MAGI1: variants seen among roughly 807,000 people sequenced by gnomAD.
MAGI1 encodes the protein membrane associated guanylate kinase, WW and PDZ domain containing 1, also known as membrane-associated guanylate kinase, WW and PDZ domain-containing protein 1.
A neutral mutation model predicts 139.9 loss-of-function variants in MAGI1; 58 were observed. That is an observed-to-expected ratio of 0.41 (90% CI 0.34 to 0.52). The LOEUF (loss-of-function observed/expected upper bound fraction) is 0.52, where lower values mean the gene tolerates loss of function less well. MAGI1 is among the 20% of genes least tolerant of loss of function. MAGI1 has a pLI of 0.12. For missense variants in MAGI1, 1,874 were observed against 1,901.6 expected (o/e 0.99, Z 0.27); for synonymous variants, 812 against 737.9 (o/e 1.10, Z -1.63).
chr3:65,963,724 T>C (rs1045900567), intron 1 of MAGI1, among the ~76,000 whole-genome samples: 10 of 152,194 alleles, frequency 6.6e-5, no homozygotes, highest in Non-Finnish European at 1.2e-4. Flanking sequence ...TGCGAACTAC[T>C]TTAACATGCA....
chr3:65,418,135 G>C (rs1414429318), intron 12 of MAGI1, among the ~76,000 whole-genome samples: 1 of 152,156 alleles, frequency 6.6e-6, no homozygotes, highest in Non-Finnish European at 1.5e-5. Context: ...ACAAACTGTG[G>C]AGGCTGGGGC....
chr3:66,028,203 G>A (rs1184303873), intron 1 of MAGI1, among the ~76,000 whole-genome samples: 1 of 152,116 alleles, frequency 6.6e-6, no homozygotes, highest in Non-Finnish European at 1.5e-5. Flanking sequence ...TCAGGAGGCT[G>A]AGGTAGGAGG....
intron 17 of MAGI1, among the ~76,000 whole-genome samples, chr3:65,378,683 C>CTT (rs10557893): frequency 2.1e-5 from 3 of 140,652 alleles, no homozygotes; most frequent in Non-Finnish European, 3.1e-5. Flanking sequence ...CTTTCCTTTT[C>CTT]TTTTTTTTTT....
At chr3:65,459,518 T>G (rs972528158) in intron 5 of MAGI1, among the ~76,000 whole-genome samples, 2 of 152,222 alleles carry the variant, frequency 1.3e-5, no homozygotes, top group African/African-American at 2.4e-5. Flanking sequence ...CTTTGTACGT[T>G]TCTCATGATT....
intron 10 of MAGI1, among the ~76,000 whole-genome samples, chr3:65,433,578 G>A (rs982321577): frequency 1.3e-5 from 2 of 152,078 alleles, no homozygotes; most frequent in Non-Finnish European, 2.9e-5. Flanking sequence ...GCAGCCCTGT[G>A]GTACATGTAA....
At chr3:65,978,005 T>C (rs1168648016) in intron 1 of MAGI1, among the ~76,000 whole-genome samples, 1 of 152,194 alleles carries the variant, frequency 6.6e-6, no homozygotes, top group Non-Finnish European at 1.5e-5. Context: ...ACCTATTGCA[T>C]TACCCATTAT....
intron 1 of MAGI1, among the ~76,000 whole-genome samples, chr3:65,644,899 A>C (rs2085173688): frequency 6.6e-6 from 1 of 151,804 alleles, no homozygotes; most frequent in African/African-American, 2.4e-5. Flanking sequence ...TGGGAGGCTG[A>C]GGTAGGAGAA....
intron 1 of MAGI1, among the ~76,000 whole-genome samples, chr3:65,749,805 G>A (rs1336190771): frequency 1.3e-5 from 2 of 151,734 alleles, no homozygotes; most frequent in African/African-American, 2.4e-5. Context: ...TGAATCAAAT[G>A]CTGACCAAGC....
chr3:65,704,940 G>A (rs2029907076), intron 1 of MAGI1, among the ~76,000 whole-genome samples: 1 of 151,844 alleles, frequency 6.6e-6, no homozygotes, highest in Non-Finnish European at 1.5e-5. Context: ...TTCTACTACT[G>A]CACAGACTCC....
At chr3:65,935,026 G>A (rs2062980150) in intron 1 of MAGI1, among the ~76,000 whole-genome samples, 1 of 152,154 alleles carries the variant, frequency 6.6e-6, no homozygotes, top group African/African-American at 2.4e-5. Context: ...AATGATTAGT[G>A]CTATTATGAC....
chr3:65,389,371 C>T (rs1385376083), intron 14 of MAGI1, among the ~76,000 whole-genome samples: 1 of 152,212 alleles, frequency 6.6e-6, no homozygotes, highest in Admixed American at 6.5e-5. Flanking sequence ...ACCCAGGACG[C>T]CCCCGCCAGC....
intron 1 of MAGI1, among the ~76,000 whole-genome samples, chr3:65,739,176 A>G (rs558646477): frequency 5.9e-5 from 9 of 152,338 alleles, no homozygotes; most frequent in Middle Eastern, 3.4e-3. Flanking sequence ...CTTCTACAAT[A>G]GTACTTGCTG....
chr3:65,942,766 C>T (rs2063371812), intron 1 of MAGI1, among the ~76,000 whole-genome samples: 1 of 152,072 alleles, frequency 6.6e-6, no homozygotes, highest in South Asian at 2.1e-4. Flanking sequence ...CCCTATAATC[C>T]CTACACTTTA....
chr3:65,936,100 C>A (rs1161008753), intron 1 of MAGI1, among the ~76,000 whole-genome samples: 3 of 152,166 alleles, frequency 2.0e-5, no homozygotes, highest in Non-Finnish European at 4.4e-5. Flanking sequence ...CACACAGGAC[C>A]AGGTTAAGGA....
chr3:65,547,624 T>C (rs74861858), intron 2 of MAGI1, among the ~76,000 whole-genome samples: 20,801 of 152,150 alleles, frequency 0.14, 1,766 homozygotes, highest in South Asian at 0.22. Flanking sequence ...GGCTACTGCC[T>C]AGATTCAAAT....
intron 1 of MAGI1, among the ~76,000 whole-genome samples, chr3:65,690,967 G>C (rs1437793863): frequency 6.6e-6 from 1 of 152,080 alleles, no homozygotes; most frequent in East Asian, 1.9e-4. Context: ...TGTCCAGAGT[G>C]ACCATCCTGA....
At chr3:65,846,453 A>G (rs1384787783) in intron 1 of MAGI1, among the ~76,000 whole-genome samples, 3 of 152,182 alleles carry the variant, frequency 2.0e-5, no homozygotes, top group Admixed American at 2.0e-4. Flanking sequence ...CTCTAACCAC[A>G]CTTCATTTGT....
At chr3:65,882,593 A>G (rs1159767284) in intron 1 of MAGI1, among the ~76,000 whole-genome samples, 2 of 152,180 alleles carry the variant, frequency 1.3e-5, no homozygotes, top group African/African-American at 4.8e-5. Flanking sequence ...AGAGAAAGAA[A>G]GGAAAAAGAA....
chr3:65,444,047 A>T (rs368886042), intron 7 of MAGI1, among the ~76,000 whole-genome samples: 2 of 152,206 alleles, frequency 1.3e-5, no homozygotes, highest in African/African-American at 4.8e-5. Flanking sequence ...TTGGCTGCAC[A>T]TCAAGAGACA....
Sources: allele counts gnomAD v4.1 joint callset (sites outside exome capture counted in the v4.1 genomes callset), GRCh38; gene constraint gnomAD v4.1.1; transcripts MANE v1.5; gene names NCBI Gene and HGNC (gene_info 2026-07-23, HGNC 2026-07-21).